Variants in STPG2 observed in about 807,000 individuals in gnomAD.
STPG2 encodes the protein sperm tail PG-rich repeat containing 2.
Under a neutral mutation model 54.2 loss-of-function variants are expected in STPG2, and 56 were observed. That is an observed-to-expected ratio of 1.03 (90% confidence interval 0.83 to 1.29). The LOEUF is 1.29. STPG2 is among the 50% of genes most tolerant of loss of function. STPG2 has a pLI of 0.00. For synonymous variants in STPG2, 200 were observed against 181.8 expected (o/e 1.10, Z -0.81); for missense variants, 596 against 544.9 (o/e 1.09, Z -0.93).
At chr4:97,722,224 G>A (rs1393598749) in intron 9 of STPG2, among the ~76,000 whole-genome samples, 1 of 151,920 alleles carries the variant, frequency 6.6e-6, no homozygotes, top group East Asian at 1.9e-4. Flanking sequence ...ATTATCACTA[G>A]AAGCCATTAA....
chr4:97,787,960 G>T (rs1044431225), intron 9 of STPG2, among the ~76,000 whole-genome samples: 1 of 151,102 alleles, frequency 6.6e-6, no homozygotes, highest in African/African-American at 2.4e-5. Context: ...TACATAGTAG[G>T]TGTATAGATT....
intron 10 of STPG2, among the ~76,000 whole-genome samples, chr4:97,616,657 T>G (rs1036899138): frequency 6.6e-6 from 1 of 152,108 alleles, no homozygotes; most frequent in Non-Finnish European, 1.5e-5. Context: ...TAATTTGTTG[T>G]TTGTCAAAAA....
intron 8 of STPG2, among the ~76,000 whole-genome samples, chr4:97,890,383 G>C (rs976701912): frequency 6.6e-6 from 1 of 151,918 alleles, no homozygotes; most frequent in Non-Finnish European, 1.5e-5. Flanking sequence ...TTGTAAAAGA[G>C]TGAAAAGCAT....
intron 8 of STPG2, among the ~76,000 whole-genome samples, chr4:97,871,988 A>AC (rs1730006103): frequency 6.6e-6 from 1 of 151,222 alleles, no homozygotes. Flanking sequence ...CTTATTTAAG[A>AC]TTATGAAATT....
At chr4:97,492,210 G>A (rs546068904) in intron 4 of STPG2, among the ~76,000 whole-genome samples, 7 of 151,486 alleles carry the variant, frequency 4.6e-5, no homozygotes, top group African/African-American at 1.4e-4. Context: ...ACCCATCGAA[G>A]AACTACTTGT....
intron 10 of STPG2, among the ~76,000 whole-genome samples, chr4:97,614,515 G>A (rs945876186): frequency 1.3e-5 from 2 of 152,070 alleles, no homozygotes; most frequent in African/African-American, 4.8e-5. Context: ...TTACACAGAT[G>A]TTATCAGTCT....
At chr4:97,803,113 C>T (rs560311407) in intron 9 of STPG2, among the ~76,000 whole-genome samples, 1 of 152,154 alleles carries the variant, frequency 6.6e-6, no homozygotes, top group Admixed American at 6.5e-5. Flanking sequence ...GCTTCCAGGC[C>T]TACTCAATAC....
At position 97,640,728 on chromosome 4, in the gene STPG2, A is replaced by G. The variant is rs1022854166; in HGVS notation, c.1320+71971T>C. 4.8e-4 allele frequency among the ~76,000 whole-genome samples: 73 copies of G among 151,802 alleles called. 1 individual carries two copies. Among genetic ancestry groups the G allele is most frequent in the African/African-American group, 1.7e-3 (71 of 41,552 alleles). On this transcript the variant is annotated intron_variant, in intron 10 of 10. Transcript: ENST00000295268. ...AAACAAAAAATTTATAATATATTAA[A>G]TACAACACATATAAAATTGTTAAAC...
chr4:98,137,793 T>C (rs1439055162), intron 1 of STPG2, among the ~76,000 whole-genome samples: 3 of 151,754 alleles, frequency 2.0e-5, no homozygotes, highest in Middle Eastern at 3.2e-3. Context: ...AATGGTAGAG[T>C]ATACATATAT....
At chr4:97,575,423 A>G (rs1732699511) in intron 10 of STPG2, among the ~76,000 whole-genome samples, 1 of 152,164 alleles carries the variant, frequency 6.6e-6, no homozygotes, top group Non-Finnish European at 1.5e-5. Context: ...TTAATTCACC[A>G]AAGTCGAGTA....
At chr4:97,814,228 A>C (rs1282563115) in intron 9 of STPG2, among the ~76,000 whole-genome samples, 7 of 152,238 alleles carry the variant, frequency 4.6e-5, no homozygotes, top group African/African-American at 1.7e-4. Flanking sequence ...AATGACCAAA[A>C]CAATACCTTC....
At chr4:97,900,023 A>T (rs1278246443) in intron 8 of STPG2, among the ~76,000 whole-genome samples, 1 of 152,028 alleles carries the variant, frequency 6.6e-6, no homozygotes, top group African/African-American at 2.4e-5. Context: ...CAAACTATGC[A>T]TCTGACAAAG....
chr4:97,829,946 C>T (rs923754188), intron 9 of STPG2, among the ~76,000 whole-genome samples: 6 of 152,164 alleles, frequency 3.9e-5, no homozygotes, highest in African/African-American at 9.6e-5. Context: ...TTGGAAAACA[C>T]TCTTCAGGAT....
At chr4:98,022,033 G>T (rs914803979) in intron 5 of STPG2, among the ~76,000 whole-genome samples, 5 of 151,640 alleles carry the variant, frequency 3.3e-5, no homozygotes, top group Non-Finnish European at 5.9e-5. Flanking sequence ...AGTTAATATT[G>T]TTATGTGTGA....
intron 7 of STPG2, among the ~76,000 whole-genome samples, chr4:97,952,936 G>T (rs1051010266): frequency 1.3e-5 from 2 of 152,160 alleles, no homozygotes; most frequent in South Asian, 2.1e-4. Context: ...CAGCCAGGAG[G>T]TGGTGCTTGC....
intron 5 of STPG2, among the ~76,000 whole-genome samples, chr4:98,050,097 T>C (rs781207798): frequency 1.3e-5 from 2 of 152,142 alleles, no homozygotes. Context: ...CCAATTACAA[T>C]GTATGGATCT....
intron 7 of STPG2, among the ~76,000 whole-genome samples, chr4:97,956,079 CAACA>C (rs1183158340): frequency 6.6e-6 from 1 of 151,852 alleles, no homozygotes; most frequent in Non-Finnish European, 1.5e-5. Flanking sequence ...GTAATCCACA[CAACA>C]AAATAATAAT....
chr4:97,784,358 T>C (rs1330782928), intron 9 of STPG2, among the ~76,000 whole-genome samples: 1 of 152,108 alleles, frequency 6.6e-6, no homozygotes, highest in African/African-American at 2.4e-5. Flanking sequence ...TAAACCAAAG[T>C]TTCTTGATTC....
chr4:97,772,931 G>A (rs1308997508), intron 9 of STPG2, among the ~76,000 whole-genome samples: 1 of 152,104 alleles, frequency 6.6e-6, no homozygotes, highest in African/African-American at 2.4e-5. Context: ...ATCCAAGGGT[G>A]GAAAGGTTAA....
Sources: gnomAD v4.1 joint callset for allele counts (sites outside exome capture counted in the v4.1 genomes callset) on GRCh38, gnomAD v4.1.1 for gene constraint, MANE v1.5 for transcripts, NCBI Gene and HGNC (gene_info 2026-07-23, HGNC 2026-07-21) for gene names.